The following TOX variants were observed in gnomAD, a reference collection of about 807,000 sequenced individuals.
TOX encodes the protein thymocyte selection-associated high mobility group box protein TOX.
TOX carries 11 observed loss-of-function variants against 53.7 expected under a neutral mutation model. That is an observed-to-expected ratio of 0.20 (90% CI 0.13 to 0.34). TOX has a LOEUF of 0.34. TOX is among the 10% of genes least tolerant of loss of function. The pLI, the probability that TOX is intolerant of heterozygous loss-of-function variation, is 1.00. For synonymous variants in TOX, 225 were observed against 245.3 expected (o/e 0.92, Z 0.77); for missense variants, 570 against 664.6 (o/e 0.86, Z 1.56).
At chr8:58,906,390 T>G (rs539381426) in intron 3 of TOX, among the ~76,000 whole-genome samples, 1 of 152,240 alleles carries the variant, frequency 6.6e-6, no homozygotes, top group Admixed American at 6.5e-5. Flanking sequence ...AAAGGGATGC[T>G]GAAGCATCAG....
intron 1 of TOX, among the ~76,000 whole-genome samples, chr8:59,080,454 T>C (rs1317263911): frequency 3.3e-5 from 5 of 152,222 alleles, no homozygotes; most frequent in African/African-American, 7.2e-5. Context: ...GAGTTAATGC[T>C]GGAATGAGTT....
At chr8:58,874,646 T>C (rs1481358503) in intron 3 of TOX, among the ~76,000 whole-genome samples, 1 of 152,156 alleles carries the variant, frequency 6.6e-6, no homozygotes, top group East Asian at 1.9e-4. Context: ...AACACAGATA[T>C]GAGGTCATGA....
intron 4 of TOX, among the ~76,000 whole-genome samples, chr8:58,841,798 C>G (rs1810648074): frequency 6.6e-6 from 1 of 152,178 alleles, no homozygotes; most frequent in African/African-American, 2.4e-5. Context: ...GTCAATTATA[C>G]CTCAATAAAG....
At chr8:59,104,768 T>C (rs956159989) in intron 1 of TOX, among the ~76,000 whole-genome samples, 4 of 152,186 alleles carry the variant, frequency 2.6e-5, no homozygotes, top group Admixed American at 1.3e-4. Flanking sequence ...GGAGTAACTT[T>C]CCCCTTCTTC....
intron 2 of TOX, among the ~76,000 whole-genome samples, chr8:58,943,864 T>C (rs888961982): frequency 1.3e-5 from 2 of 152,168 alleles, no homozygotes; most frequent in African/African-American, 4.8e-5. Flanking sequence ...AAGTCAGCAA[T>C]GACCATCTTA....
rs183232203 is a variant in TOX at position 58,815,069 on chromosome 8, A to G, written c.1392+269T>C. ...AGAAGAATGATTAGAAACATGAAGC[A>G]AAATGGATATCATGGGAAAGAAACC... On this transcript the variant is annotated intron_variant, in intron 7 of 8. Coordinates refer to ENST00000361421, the MANE Select transcript of TOX (RefSeq NM_014729.3). Among the ~76,000 whole-genome samples, 701 of 151,500 alleles carry G rather than the reference A, an allele frequency of 4.6e-3. 1 individual carries two copies. Among genetic ancestry groups the G allele is most frequent in the African/African-American group, 0.016 (647 of 41,512 alleles).
At chr8:59,068,354 T>C (rs1040293150) in intron 1 of TOX, among the ~76,000 whole-genome samples, 2 of 150,608 alleles carry the variant, frequency 1.3e-5, no homozygotes, top group African/African-American at 4.9e-5. Context: ...GTTTATCTAG[T>C]GGGGGAGATA....
intron 1 of TOX, among the ~76,000 whole-genome samples, chr8:59,002,450 A>C (rs1442130694): frequency 6.6e-6 from 1 of 150,680 alleles, no homozygotes; most frequent in South Asian, 2.1e-4. Flanking sequence ...AAATTAGCGG[A>C]GCGTGGTGGC....
intron 3 of TOX, among the ~76,000 whole-genome samples, chr8:58,855,502 G>T (rs1296022884): frequency 1.3e-5 from 2 of 151,956 alleles, no homozygotes; most frequent in Non-Finnish European, 2.9e-5. Context: ...TGTGAGTTCT[G>T]TTGGGTCTAC....
chr8:58,945,767 G>C (rs1345103730), intron 2 of TOX, among the ~76,000 whole-genome samples: 2 of 152,128 alleles, frequency 1.3e-5, no homozygotes, highest in Non-Finnish European at 2.9e-5. Context: ...GGCCCAGAGA[G>C]AGTGTTAATA....
intron 5 of TOX, among the ~76,000 whole-genome samples, chr8:58,836,831 A>G (rs1003505953): frequency 1.3e-5 from 2 of 152,166 alleles, no homozygotes; most frequent in Non-Finnish European, 2.9e-5. Context: ...ATTCAACACA[A>G]TGGGGGTCTG....
intron 7 of TOX, among the ~76,000 whole-genome samples, chr8:58,814,171 T>C (rs111763603): frequency 4.7e-4 from 72 of 152,254 alleles, no homozygotes; most frequent in African/African-American, 1.7e-3. Context: ...AATAATGAAT[T>C]GGGGACTATG....
chr8:58,864,824 ACT>A (rs1480014909), intron 3 of TOX, among the ~76,000 whole-genome samples: 1 of 152,128 alleles, frequency 6.6e-6, no homozygotes, highest in Admixed American at 6.6e-5. Flanking sequence ...AAGCTTAATA[ACT>A]CTCTGAGACA....
chr8:58,990,027 A>G (rs1813411452), intron 1 of TOX, among the ~76,000 whole-genome samples: 1 of 152,220 alleles, frequency 6.6e-6, no homozygotes, highest in African/African-American at 2.4e-5. Context: ...GGAGGGTGCA[A>G]GATTGCCCAC....
intron 7 of TOX, among the ~76,000 whole-genome samples, chr8:58,809,523 A>ACACAAGCT (rs1205655935): frequency 1.3e-5 from 2 of 152,244 alleles, no homozygotes; most frequent in East Asian, 3.8e-4. Context: ...ACTGATTCCC[A>ACACAAGCT]CACAAGCTGT....
intron 7 of TOX, among the ~76,000 whole-genome samples, chr8:58,808,826 T>C (rs1006830437): frequency 2.6e-5 from 4 of 152,226 alleles, no homozygotes; most frequent in African/African-American, 9.6e-5. Flanking sequence ...CAACCAAAGC[T>C]TTTTAACAGT....
At chr8:58,892,507 A>G (rs969021186) in intron 3 of TOX, among the ~76,000 whole-genome samples, 48 of 152,194 alleles carry the variant, frequency 3.2e-4, no homozygotes, top group African/African-American at 1.2e-3. Flanking sequence ...GAAGGATGTT[A>G]CCAATATTGT....
chr8:58,887,424 G>A (rs188698411), intron 3 of TOX, among the ~76,000 whole-genome samples: 15 of 151,948 alleles, frequency 9.9e-5, no homozygotes, highest in Admixed American at 8.5e-4. Flanking sequence ...TATACATGCT[G>A]CTGTTTTTAT....
At chr8:59,035,539 A>G (rs982502781) in intron 1 of TOX, among the ~76,000 whole-genome samples, 4 of 152,176 alleles carry the variant, frequency 2.6e-5, no homozygotes, top group Non-Finnish European at 5.9e-5. Flanking sequence ...CCCGACACCA[A>G]TTTTTAATAT....
Sources: gnomAD v4.1 joint callset for allele counts (sites outside exome capture counted in the v4.1 genomes callset) on GRCh38, gnomAD v4.1.1 for gene constraint, MANE v1.5 for transcripts, NCBI Gene and HGNC (gene_info 2026-07-23, HGNC 2026-07-21) for gene names.